GATA4: variants seen among roughly 807,000 people sequenced by gnomAD.
GATA4 encodes the protein transcription factor GATA-4.
A neutral mutation model predicts 37.9 loss-of-function variants in GATA4; 7 were observed. That is an observed-to-expected ratio of 0.18 (90% CI 0.11 to 0.35). The LOEUF (loss-of-function observed/expected upper bound fraction) is 0.35. GATA4 is among the 10% of genes least tolerant of loss of function. The pLI, the probability that GATA4 is intolerant of heterozygous loss-of-function variation, is 1.00. For missense variants in GATA4, 647 were observed against 653.0 expected (o/e 0.99, Z 0.10); for synonymous variants, 372 against 292.6 (o/e 1.27, Z -2.77).
chr8:11,755,955 T>C (rs1376781259), intron 5 of GATA4, among the ~76,000 whole-genome samples: 1 of 150,530 alleles, frequency 6.6e-6, no homozygotes, highest in Non-Finnish European at 1.5e-5. Flanking sequence ...AGGGCTGTTC[T>C]TTTTTAAATT....
chr8:11,720,779 G>GTT (rs529789610), intron 2 of GATA4, among the ~76,000 whole-genome samples: 3,404 of 149,538 alleles, frequency 0.023, 101 homozygotes, highest in South Asian at 0.094. Context: ...ACCTGATCTG[G>GTT]TTTTTTTTTT....
At chr8:11,695,868 C>G (rs1005589432) in intron 1 of GATA4, among the ~76,000 whole-genome samples, 2 of 152,174 alleles carry the variant, frequency 1.3e-5, no homozygotes, top group Admixed American at 6.5e-5. Context: ...CCAGGATGGA[C>G]CACTGTGGCC....
intron 2 of GATA4, among the ~76,000 whole-genome samples, chr8:11,728,504 G>C (rs1024663337): frequency 6.6e-6 from 1 of 151,752 alleles, no homozygotes; most frequent in Admixed American, 6.6e-5. Context: ...AAGTAGCTGG[G>C]ACTACAGGTG....
chr8:11,702,780 G>T (rs1293325560), upstream of GATA4, among the ~76,000 whole-genome samples: 2 of 152,296 alleles, frequency 1.3e-5, no homozygotes, highest in South Asian at 4.1e-4. The surrounding 1 kb of genome is among the most constrained non-coding windows in gnomAD (Gnocchi z 4.4). Context: ...CAGCCTGTGC[G>T]CAGGCCTTTC....
At chr8:11,703,519 G>C (rs73537869), upstream of GATA4, among the ~76,000 whole-genome samples, 1 of 152,172 alleles carries the variant, frequency 6.6e-6, no homozygotes, top group Non-Finnish European at 1.5e-5. Flanking sequence ...GCAGAAAAAA[G>C]GGGGAAAGAT....
chr8:11,726,774 C>G (rs1585635697), intron 2 of GATA4, among the ~76,000 whole-genome samples: 1 of 152,208 alleles, frequency 6.6e-6, no homozygotes, highest in Non-Finnish European at 1.5e-5. Context: ...CTTGCATCCT[C>G]ACTTGATCCC....
At chr8:11,702,853 G>T (rs1799730654), upstream of GATA4, among the ~76,000 whole-genome samples, 2 of 152,158 alleles carry the variant, frequency 1.3e-5, no homozygotes, top group African/African-American at 4.8e-5. This position sits in a 1 kb window ranked among gnomAD's most constrained non-coding sequence, Gnocchi z 4.4. Flanking sequence ...GTGAACCTCC[G>T]CACCTCTCAT....
chr8:11,708,057 T>G lies in GATA4; in HGVS notation c.-256T>G. On this transcript the variant is annotated 5_prime_UTR_variant, in exon 2 of 7. Transcript: ENST00000532059. This position sits in a 1 kb window ranked among gnomAD's most constrained non-coding sequence, Gnocchi z 6.7. ...GCCCTGGGGTGAATTCAGCTGCTCC[T>G]ACATCAGCTTCCGGAACCACCAAAA... 1 of 561,152 alleles carries G rather than the reference T, an allele frequency of 1.8e-6. No homozygotes were observed. The highest frequency in any genetic ancestry group is 3.3e-6 in the Non-Finnish European group (1 of 307,158). 34.8% of individuals were successfully genotyped at this position (561,152 alleles called of 1,614,324 possible). A position where few individuals can be genotyped will look rare whatever the true frequency, so the allele number is the denominator to read the frequency against.
intron 1 of GATA4, among the ~76,000 whole-genome samples, chr8:11,704,960 C>T (rs1005805259): frequency 3.9e-5 from 6 of 152,244 alleles, no homozygotes; most frequent in African/African-American, 1.2e-4. Context: ...TGGCCAAGGG[C>T]CCGAGCCCGG....
At chr8:11,717,201 G>A (rs1399397583) in intron 2 of GATA4, among the ~76,000 whole-genome samples, 1 of 152,206 alleles carries the variant, frequency 6.6e-6, no homozygotes, top group Non-Finnish European at 1.5e-5. Context: ...TTCTAAAGAA[G>A]GCAGGGAAGA....
At chr8:11,699,673 G>C (rs1027999977), upstream of GATA4, among the ~76,000 whole-genome samples, 16 of 152,356 alleles carry the variant, frequency 1.1e-4, no homozygotes, top group Non-Finnish European at 1.9e-4. Flanking sequence ...TGGACTTGCA[G>C]GCACTGGACC....
At position 11,708,312 on chromosome 8, in the gene GATA4, C is replaced by T; in HGVS notation, c.-1C>T. The T allele has an allele frequency of 1.3e-6, 2 of 1,583,746 alleles. No individual in the cohort carries two copies. Among genetic ancestry groups the T allele is most frequent in the Non-Finnish European group, 1.7e-6 (2 of 1,172,618 alleles). Reference sequence around the variant, plus strand: ...ACCGAAGCCGGGAGCTCGCAGGGACCATGTATCAGAGCTTGGCCATGGCCG... The same window carrying T: ...ACCGAAGCCGGGAGCTCGCAGGGACTATGTATCAGAGCTTGGCCATGGCCG... On this transcript the variant is annotated 5_prime_UTR_variant, in exon 2 of 7. Transcript: ENST00000532059. This position sits in a 1 kb window ranked among gnomAD's most constrained non-coding sequence, Gnocchi z 6.7.
chr8:11,720,958 C>G (rs766603977), intron 2 of GATA4, among the ~76,000 whole-genome samples: 1 of 152,098 alleles, frequency 6.6e-6, no homozygotes, highest in Non-Finnish European at 1.5e-5. Context: ...GCTCCACATG[C>G]GTGATTTGTT....
rs766802125 is a variant in GATA4 at position 11,708,837 on chromosome 8, A to AGCC, written c.535_537dup (p.Ala179dup). 2 of 1,495,360 alleles carry AGCC rather than the reference A, an allele frequency of 1.3e-6. No individual in the cohort carries two copies. Among genetic ancestry groups the AGCC allele is most frequent in the Admixed American group, 2.2e-5 (1 of 46,498 alleles). 92.6% of individuals were successfully genotyped at this position (1,495,360 alleles called of 1,614,324 possible). On this transcript the variant is annotated inframe_insertion, in exon 2 of 7. Transcript: ENST00000532059. This position sits in a 1 kb window ranked among gnomAD's most constrained non-coding sequence, Gnocchi z 6.7. ...CCGACGTGGGCGCGTCCTGGGCCGC[A>AGCC]GCCGCCGCCGCCTCCGCCGGCCCCT...
chr8:11,683,668 G>A (rs775328070), intron 1 of GATA4, among the ~76,000 whole-genome samples: 2 of 152,188 alleles, frequency 1.3e-5, no homozygotes, highest in South Asian at 2.1e-4. Flanking sequence ...GACTAAAGCC[G>A]GAGACTGGGG....
intron 5 of GATA4, among the ~76,000 whole-genome samples, chr8:11,755,826 G>T (rs1460919516): frequency 6.6e-6 from 1 of 151,352 alleles, no homozygotes; most frequent in Non-Finnish European, 1.5e-5. Flanking sequence ...TAAGAATAAG[G>T]GCTGCTCAAA....
chr8:11,680,682 C>A (rs916591366), intron 1 of GATA4: 1 of 985,330 alleles, frequency 1.0e-6, no homozygotes, highest in Non-Finnish European at 1.2e-6. Flanking sequence ...TCAGAGACCC[C>A]CCCCTTGGGG....
At chr8:11,723,629 T>A (rs1193380982) in intron 2 of GATA4, among the ~76,000 whole-genome samples, 1 of 152,166 alleles carries the variant, frequency 6.6e-6, no homozygotes. Context: ...CAGAGCTAGC[T>A]CTGCCAGCTG....
chr8:11,715,778 T>C (rs925300325), intron 2 of GATA4, among the ~76,000 whole-genome samples: 7 of 152,104 alleles, frequency 4.6e-5, no homozygotes, highest in South Asian at 4.1e-4. Context: ...TAGCCACTTT[T>C]AAGTATACAG....
Sources: allele counts gnomAD v4.1 joint callset (sites outside exome capture counted in the v4.1 genomes callset), GRCh38; gene constraint gnomAD v4.1.1; non-coding constraint Gnocchi (gnomAD v3.1); transcripts MANE v1.5; gene names NCBI Gene and HGNC (gene_info 2026-07-23, HGNC 2026-07-21).